HTR2C: variants seen among roughly 807,000 people sequenced by gnomAD.
HTR2C encodes 5-hydroxytryptamine receptor 2C, also known as 5-hydroxytryptamine (serotonin) receptor 2C, G protein-coupled.
HTR2C carries 5 observed loss-of-function variants against 21.0 expected under a neutral mutation model. The observed-to-expected ratio is 0.24, with a 90% confidence interval of 0.12 to 0.50. The LOEUF (loss-of-function observed/expected upper bound fraction) is 0.50, where lower values mean the gene tolerates loss of function less well. HTR2C is among the 20% of genes least tolerant of loss of function. The pLI is 0.98. For missense variants in HTR2C, 271 were observed against 371.2 expected (o/e 0.73, Z 2.22); for synonymous variants, 150 against 145.3 (o/e 1.03, Z -0.23).
At chrX:114,728,056 A>G (rs2069500588) in intron 3 of HTR2C, among the ~76,000 whole-genome samples, 1 of 112,387 alleles carries the variant, frequency 8.9e-6, no homozygotes, top group Non-Finnish European at 1.9e-5. Flanking sequence ...GAAATTAATT[A>G]AAGAATTCAT....
chrX:114,812,429 TA>T (rs201406875), intron 4 of HTR2C, among the ~76,000 whole-genome samples: 2,074 of 110,434 alleles, frequency 0.019, 50 homozygotes, highest in African/African-American at 0.065. Flanking sequence ...TTAAGCAGAA[TA>T]ATGAAAAGGC....
At chrX:114,842,856 C>G (rs1337863642) in intron 4 of HTR2C, among the ~76,000 whole-genome samples, 1 of 111,477 alleles carries the variant, frequency 9.0e-6, no homozygotes, top group Non-Finnish European at 1.9e-5. Flanking sequence ...TAGGTAACCA[C>G]CAAACTAACA....
intron 5 of HTR2C, among the ~76,000 whole-genome samples, chrX:114,857,268 C>A (rs960441463): frequency 9.0e-6 from 1 of 111,393 alleles, no homozygotes; most frequent in Admixed American, 9.6e-5. Context: ...TAATTAAAAT[C>A]TATCTACCAA....
chrX:114,675,715 T>A (rs1556412430), intron 2 of HTR2C, among the ~76,000 whole-genome samples: 1 of 112,060 alleles, frequency 8.9e-6, no homozygotes, highest in East Asian at 2.8e-4. Context: ...AAATAGTTGC[T>A]GTAGCTTCCC....
chrX:114,630,746 G>C (rs1929578158), intron 2 of HTR2C: 2 of 244,804 alleles, frequency 8.2e-6, no homozygotes, highest in Non-Finnish European at 1.7e-5. Flanking sequence ...CCTCCTTTAA[G>C]CTTGTTCTTC....
chrX:114,709,993 G>A (rs1222150327), intron 2 of HTR2C, among the ~76,000 whole-genome samples: 2 of 111,784 alleles, frequency 1.8e-5, no homozygotes, highest in African/African-American at 3.2e-5. Flanking sequence ...CGGGCTTTTT[G>A]CTATCAGTAA....
intron 4 of HTR2C, among the ~76,000 whole-genome samples, chrX:114,740,958 C>T (rs782376151): frequency 9.0e-6 from 1 of 110,940 alleles, no homozygotes; most frequent in East Asian, 2.9e-4. Context: ...GTTAAAAATT[C>T]GAAAGGGGGA....
At chrX:114,597,466 CAT>C (rs1569476357) in intron 1 of HTR2C, among the ~76,000 whole-genome samples, 2 of 110,972 alleles carry the variant, frequency 1.8e-5, no homozygotes, top group African/African-American at 6.6e-5. Flanking sequence ...TTGTGTACCA[CAT>C]AAAAATGAAG....
rs1486338153 is a variant in HTR2C, at chrX:114,604,466, A to G, written c.-146-9349A>G. On this transcript the variant is annotated intron_variant, in intron 1 of 5. Coordinates refer to ENST00000276198, the MANE Select transcript of HTR2C (RefSeq NM_000868.4). ...GGAGTGGGTAGCCTCCGTATTGATT[A>G]AGAAGGTAATCACTTACCTTCCACT... 3.6e-5 allele frequency among the ~76,000 whole-genome samples: 4 copies of G among 110,201 alleles called. No individual in the cohort carries two copies. The Admixed American group carries it at 3.9e-4, about 11-fold the overall frequency.
chrX:114,845,621 TAGAC>T (rs201871991), intron 4 of HTR2C, among the ~76,000 whole-genome samples: 4,501 of 110,761 alleles, frequency 0.041, 235 homozygotes, highest in African/African-American at 0.14. Context: ...AATCTTTAGA[TAGAC>T]AGACTAAGGA....
chrX:114,623,198 A>G (rs1929232538), intron 2 of HTR2C, among the ~76,000 whole-genome samples: 1 of 112,168 alleles, frequency 8.9e-6, no homozygotes, highest in Non-Finnish European at 1.9e-5. Context: ...CCTATATTTA[A>G]CATATGAGGC....
chrX:114,819,965 G>C (rs1427148080), intron 4 of HTR2C, among the ~76,000 whole-genome samples: 5 of 110,916 alleles, frequency 4.5e-5, no homozygotes, highest in African/African-American at 9.8e-5. Flanking sequence ...TTGTCACATA[G>C]AGTCTGTTCT....
chrX:114,647,115 G>T (rs1331046372), intron 2 of HTR2C, among the ~76,000 whole-genome samples: 2 of 111,057 alleles, frequency 1.8e-5, no homozygotes, highest in East Asian at 2.8e-4. Context: ...GTTGTTGGTC[G>T]AAGAGTAAAA....
At chrX:114,763,306 C>T (rs1556433267) in intron 4 of HTR2C, 1 of 124,892 alleles carries the variant, frequency 8.0e-6, no homozygotes, top group African/African-American at 3.2e-5. Context: ...CTGGTTACTT[C>T]TCCAGAGTGC....
At chrX:114,792,962 GTTGT>G (rs1295472013) in intron 4 of HTR2C, among the ~76,000 whole-genome samples, 5 of 111,615 alleles carry the variant, frequency 4.5e-5, no homozygotes, top group Admixed American at 1.9e-4. Context: ...TTTTGATGGG[GTTGT>G]TTGTTTTTCA....
At chrX:114,783,175 TAACAAGACAAAATGA>T (rs1360429583) in intron 4 of HTR2C, among the ~76,000 whole-genome samples, 1 of 111,174 alleles carries the variant, frequency 9.0e-6, no homozygotes, top group Non-Finnish European at 1.9e-5. Flanking sequence ...ATAAACATAA[TAACAAGACAAAATGA>T]AATAAGACAA....
intron 4 of HTR2C, among the ~76,000 whole-genome samples, chrX:114,760,199 A>G (rs2069852031): frequency 8.9e-6 from 1 of 111,816 alleles, no homozygotes; most frequent in Admixed American, 9.5e-5. Flanking sequence ...GCTTTGCAGG[A>G]TTAAACTACA....
intron 4 of HTR2C, among the ~76,000 whole-genome samples, chrX:114,743,601 T>G (rs907067255): frequency 2.7e-5 from 3 of 111,416 alleles, no homozygotes; most frequent in Non-Finnish European, 5.7e-5. Context: ...AAATGAACAA[T>G]GCCTCAAGAA....
chrX:114,725,170 G>T (rs192410409), intron 2 of HTR2C, among the ~76,000 whole-genome samples: 2 of 110,995 alleles, frequency 1.8e-5, no homozygotes, highest in African/African-American at 6.5e-5. Flanking sequence ...AGGTAGATTT[G>T]GTCTTTTCAC....
Sources: gnomAD v4.1 joint callset for allele counts (sites outside exome capture counted in the v4.1 genomes callset) on GRCh38, gnomAD v4.1.1 for gene constraint, MANE v1.5 for transcripts, NCBI Gene and HGNC (gene_info 2026-07-23, HGNC 2026-07-21) for gene names.